The following DOCK3 variants were observed in gnomAD, a reference collection of about 807,000 sequenced individuals.
DOCK3 encodes the protein dedicator of cytokinesis protein 3.
In DOCK3, 60 loss-of-function variants were observed where a neutral mutation model predicts 265.6. The observed-to-expected ratio is 0.23, with a 90% CI of 0.18 to 0.28. DOCK3 has a LOEUF of 0.28. Ranked by LOEUF, DOCK3 falls within the 10% of genes least tolerant of loss-of-function variation. DOCK3 has a pLI of 1.00. For synonymous variants in DOCK3, 881 were observed against 938.0 expected (o/e 0.94, Z 1.11); for missense variants, 1,981 against 2,594.3 (o/e 0.76, Z 5.14).
At chr3:51,229,302 T>C (rs909624831) in intron 18 of DOCK3, among the ~76,000 whole-genome samples, 3 of 152,012 alleles carry the variant, frequency 2.0e-5, no homozygotes, top group Non-Finnish European at 1.5e-5. Flanking sequence ...AATACGAAAA[T>C]TACCTGGACA....
chr3:51,010,116 T>C (rs2078881192), intron 5 of DOCK3, among the ~76,000 whole-genome samples: 1 of 152,260 alleles, frequency 6.6e-6, no homozygotes, highest in African/African-American at 2.4e-5. Flanking sequence ...TGGAGAGTTC[T>C]ATAGATGTCT....
At chr3:51,097,651 T>C (rs2109675164) in intron 9 of DOCK3, among the ~76,000 whole-genome samples, 1 of 152,324 alleles carries the variant, frequency 6.6e-6, no homozygotes, top group East Asian at 1.9e-4. Context: ...CAGGCGCCAC[T>C]GGGGTATGAA....
chr3:51,112,680 A>G (rs1194030926), intron 9 of DOCK3, among the ~76,000 whole-genome samples: 1 of 152,182 alleles, frequency 6.6e-6, no homozygotes, highest in East Asian at 1.9e-4. Flanking sequence ...GGGAGGGGCG[A>G]CTGTTGAGTG....
rs1575941269 is a variant in DOCK3 at position 51,064,533 on chromosome 3, T to C, written c.401T>C (p.Leu134Pro). The change falls in exon 6 of 53, where the codon CTG becomes CCG. Residue 134 changes from leucine (L) to proline (P), a missense_variant. By Grantham distance (98) the Leu-to-Pro change is moderately conservative. Around this residue, in one of 4 missense-constraint regions of DOCK3, gnomAD observed 456 missense variants for 539.0 expected, o/e 0.85. Transcript: ENST00000266037. ...DLRRQLLSGH[L>P]TQDQVREVKR... The stretch of plus-strand genomic sequence containing the variant: ...CGAAGGCAGCTACTGTCTGGTCACC[T>C]GACTCAGGATCAGGTGCGGGAGGTT... 6.2e-7 allele frequency: 1 copy of C among 1,614,010 alleles called. No homozygotes were observed. The highest frequency in any genetic ancestry group is 1.1e-5 in the South Asian group (1 of 91,086).
intron 5 of DOCK3, among the ~76,000 whole-genome samples, chr3:51,064,183 A>T (rs1286386397): frequency 6.6e-6 from 1 of 152,232 alleles, no homozygotes; most frequent in Non-Finnish European, 1.5e-5. Context: ...TTTACTAAAG[A>T]AATGAATAAT....
In DOCK3 at chr3:51,356,190, G is replaced by A; in HGVS notation, c.4351G>A (p.Val1451Met). 1 of 1,614,036 alleles carries A rather than the reference G, an allele frequency of 6.2e-7. No individual in the cohort carries two copies. The highest frequency in any genetic ancestry group is 1.3e-5 in the African/African-American group (1 of 75,046). Residue 1451 changes from valine (V) to methionine (M), a missense_variant, in exon 42 of 53, where the codon GTG (valine) becomes ATG (methionine). Val to Met is a conservative substitution (Grantham distance 21). Around this residue, in one of 4 missense-constraint regions of DOCK3, gnomAD observed 1,357 missense variants for 1,866.8 expected, o/e 0.73. Transcript: ENST00000266037. Reference protein sequence around the residue: ...RVKSFYRVNNVRKFRYDRPFH... With the variant: ...RVKSFYRVNNMRKFRYDRPFH... ...CAAGAGCTTCTATCGCGTCAACAAT[G>A]TGAGGAAGTTCCGGTATGACAGGCC... is the stretch of plus-strand genomic sequence containing the variant.
chr3:51,133,686 G>T (rs2107004443), intron 9 of DOCK3, among the ~76,000 whole-genome samples: 1 of 152,208 alleles, frequency 6.6e-6, no homozygotes, highest in South Asian at 2.1e-4. Context: ...CCCAGTAATG[G>T]GATTGCTGTG....
intron 41 of DOCK3, 26 bp from the exon 42 acceptor site, chr3:51,356,061 CTG>C (rs762393944): frequency 8.7e-6 from 14 of 1,613,336 alleles, no homozygotes; most frequent in Non-Finnish European, 1.2e-5. Context: ...TCTGGCAAGT[CTG>C]TGTTTCTCCT....
intron 5 of DOCK3, among the ~76,000 whole-genome samples, chr3:50,990,827 G>T (rs143035667): frequency 6.6e-6 from 1 of 152,060 alleles, no homozygotes. Context: ...TATTTTGGCC[G>T]TGCTGGCAGC....
intron 38 of DOCK3, among the ~76,000 whole-genome samples, chr3:51,347,616 A>C (rs2085679323): frequency 6.6e-6 from 1 of 152,194 alleles, no homozygotes; most frequent in African/African-American, 2.4e-5. Flanking sequence ...TGTCTTGGCA[A>C]TGCAGGCTCT....
chr3:51,132,259 C>T (rs981850358), intron 9 of DOCK3, among the ~76,000 whole-genome samples: 1 of 152,200 alleles, frequency 6.6e-6, no homozygotes, highest in African/African-American at 2.4e-5. Flanking sequence ...CCACCATTGT[C>T]CCAGACCCTT....
At chr3:51,215,702 TTC>T (rs911874819) in intron 14 of DOCK3, among the ~76,000 whole-genome samples, 1 of 152,174 alleles carries the variant, frequency 6.6e-6, no homozygotes, top group Non-Finnish European at 1.5e-5. Flanking sequence ...GTCACCTTCA[TTC>T]TCTCTCCATA....
At chr3:51,263,071 A>G (rs1045316899) in intron 23 of DOCK3, among the ~76,000 whole-genome samples, 16 of 152,294 alleles carry the variant, frequency 1.1e-4, no homozygotes, top group African/African-American at 3.8e-4. Flanking sequence ...TACAGAGAAC[A>G]CCACAAAGAT....
chr3:50,717,063 A>G (rs1439478202), intron 1 of DOCK3, among the ~76,000 whole-genome samples: 1 of 152,222 alleles, frequency 6.6e-6, no homozygotes, highest in East Asian at 1.9e-4. Flanking sequence ...ATCTTTTAAT[A>G]TAGTCCATAG....
intron 5 of DOCK3, among the ~76,000 whole-genome samples, chr3:50,999,318 C>G (rs1465106345): frequency 6.6e-6 from 1 of 152,188 alleles, no homozygotes; most frequent in East Asian, 1.9e-4. Flanking sequence ...GAAACTATGG[C>G]AGAGCCATTG....
chr3:51,012,059 T>G (rs2078974055), intron 5 of DOCK3, among the ~76,000 whole-genome samples: 1 of 152,186 alleles, frequency 6.6e-6, no homozygotes, highest in Admixed American at 6.5e-5. Flanking sequence ...CCAGTTAGGC[T>G]ACTCGGGGGT....
chr3:51,324,509 C>G (rs2083958431), intron 32 of DOCK3, among the ~76,000 whole-genome samples: 1 of 152,170 alleles, frequency 6.6e-6, no homozygotes, highest in Admixed American at 6.5e-5. Context: ...TTTGTAGATT[C>G]TATGCTATCT....
rs563568820 is a variant in DOCK3 at position 50,920,174 on chromosome 3, A to G, written c.219-13807A>G. Among the ~76,000 whole-genome samples, 3 of 152,306 alleles carry G rather than the reference A, an allele frequency of 2.0e-5. No homozygotes were observed. In the South Asian group the frequency reaches 6.2e-4, roughly 32 times the overall value. The stretch of plus-strand genomic sequence containing the variant: ...CCAGTATTTTATTGAGGATTTTTGC[A>G]TCGATTTTCATCAGGGATATTGGTG... On this transcript the variant is annotated intron_variant, in intron 4 of 52. Transcript: ENST00000266037.
intron 13 of DOCK3, among the ~76,000 whole-genome samples, chr3:51,209,892 T>C (rs1032249232): frequency 2.6e-5 from 4 of 152,216 alleles, no homozygotes; most frequent in Non-Finnish European, 4.4e-5. Context: ...CCTCTCACTA[T>C]TTTTAAATGA....
Sources: allele counts gnomAD v4.1 joint callset (sites outside exome capture counted in the v4.1 genomes callset), GRCh38; gene constraint gnomAD v4.1.1; regional missense constraint gnomAD v4.1.1; transcripts MANE v1.5; gene names NCBI Gene and HGNC (gene_info 2026-07-23, HGNC 2026-07-21).